The following FOXP2 variants were observed in gnomAD, a reference collection of about 807,000 sequenced individuals.
FOXP2 encodes forkhead box P2, also known as forkhead box protein P2.
Under a neutral mutation model 115.8 loss-of-function variants are expected in FOXP2, and 12 were observed. That is an observed-to-expected ratio of 0.10 (90% CI 0.07 to 0.17). FOXP2 has a LOEUF of 0.17. Ranked by LOEUF, FOXP2 falls within the 10% of genes least tolerant of loss-of-function variation. The pLI is 1.00. For synonymous variants in FOXP2, 328 were observed against 297.7 expected, an observed-to-expected ratio of 1.10 and a Z score of -1.05; for missense variants, 629 against 843.5, an observed-to-expected ratio of 0.75 and a Z score of 3.15.
At chr7:114,577,129 A>T (rs1165760326) in intron 3 of FOXP2, among the ~76,000 whole-genome samples, 1 of 151,986 alleles carries the variant, frequency 6.6e-6, no homozygotes, top group Non-Finnish European at 1.5e-5. Context: ...TATGGAACCA[A>T]ATGTTTATAA....
intron 1 of FOXP2, among the ~76,000 whole-genome samples, chr7:114,228,341 G>A (rs902506363): frequency 6.6e-6 from 1 of 151,948 alleles, no homozygotes; most frequent in African/African-American, 2.4e-5. Flanking sequence ...ATTGAGACTG[G>A]TGCCCTCAAT....
chr7:114,536,397 C>CTTTTTTTTTTTTTTTTTTTTTTTTTTT (rs3997242), intron 3 of FOXP2, among the ~76,000 whole-genome samples: 1 of 112,374 alleles, frequency 8.9e-6, no homozygotes, highest in Non-Finnish European at 1.8e-5. Context: ...TTTTTCTTTT[C>CTTTTTTTTTTTTTTTTTTTTTTTTTTT]TTTTTTTTTT....
At chr7:114,223,826 A>AT (rs1171732498) in intron 1 of FOXP2, among the ~76,000 whole-genome samples, 1 of 151,588 alleles carries the variant, frequency 6.6e-6, no homozygotes, top group African/African-American at 2.4e-5. Context: ...TTTAATTTTA[A>AT]TTTAGTTTAT....
intron 1 of FOXP2, among the ~76,000 whole-genome samples, chr7:114,194,515 C>G (rs1793850073): frequency 6.6e-6 from 1 of 151,670 alleles, no homozygotes; most frequent in African/African-American, 2.4e-5. Flanking sequence ...CCATGCTTAC[C>G]CAAACTGAAT....
intron 3 of FOXP2, among the ~76,000 whole-genome samples, chr7:114,608,314 A>C (rs998602283): frequency 1.1e-4 from 16 of 152,320 alleles, no homozygotes; most frequent in Admixed American, 8.5e-4. Flanking sequence ...TTTTCAGAAG[A>C]ATCTGCTTCC....
chr7:114,540,964 A>T (rs1799633788), intron 3 of FOXP2, among the ~76,000 whole-genome samples: 1 of 152,120 alleles, frequency 6.6e-6, no homozygotes, highest in South Asian at 2.1e-4. Flanking sequence ...AGGGGCTATT[A>T]AAGTTTTTTG....
At chr7:114,311,236 ATGAC>A (rs1797140921) in intron 2 of FOXP2, among the ~76,000 whole-genome samples, 1 of 152,120 alleles carries the variant, frequency 6.6e-6, no homozygotes, top group Non-Finnish European at 1.5e-5. Context: ...TTCCCTGCTC[ATGAC>A]TGACTGACCT....
chr7:114,643,675 T>A (rs1397023042), intron 7 of FOXP2, among the ~76,000 whole-genome samples: 2 of 152,218 alleles, frequency 1.3e-5, no homozygotes, highest in Non-Finnish European at 2.9e-5. Flanking sequence ...TCTTGCTCTC[T>A]AATCAAGTCC....
At chr7:114,254,527 C>T (rs1795550237) in intron 1 of FOXP2, among the ~76,000 whole-genome samples, 1 of 152,138 alleles carries the variant, frequency 6.6e-6, no homozygotes, top group Non-Finnish European at 1.5e-5. Context: ...TCTCTTCTCG[C>T]TTCATTTCAT....
At chr7:114,290,943 C>G (rs960573474) in intron 2 of FOXP2, among the ~76,000 whole-genome samples, 12 of 151,984 alleles carry the variant, frequency 7.9e-5, no homozygotes, top group African/African-American at 2.9e-4. Flanking sequence ...TTTTATTTTC[C>G]ATTATATTCA....
At chr7:114,449,869 T>A (rs1473331484) in intron 2 of FOXP2, among the ~76,000 whole-genome samples, 1 of 152,130 alleles carries the variant, frequency 6.6e-6, no homozygotes, top group East Asian at 1.9e-4. Flanking sequence ...AAAATTTACT[T>A]TACAAATGAA....
intron 2 of FOXP2, among the ~76,000 whole-genome samples, chr7:114,397,109 A>C (rs1792763642): frequency 6.6e-6 from 1 of 152,150 alleles, no homozygotes; most frequent in Non-Finnish European, 1.5e-5. Context: ...AAAATAAATG[A>C]ATAGAAGCAA....
chr7:114,115,005 A>ATT (rs545736043), intron 1 of FOXP2, among the ~76,000 whole-genome samples: 1 of 149,048 alleles, frequency 6.7e-6, no homozygotes, highest in Non-Finnish European at 1.5e-5. Flanking sequence ...TGTGTGTTGC[A>ATT]TTTTTTTTTT....
At chr7:114,295,266 G>A (rs568800510) in intron 2 of FOXP2, among the ~76,000 whole-genome samples, 2 of 152,046 alleles carry the variant, frequency 1.3e-5, no homozygotes, top group Non-Finnish European at 2.9e-5. Context: ...GTATGAACCA[G>A]CATCACTTAT....
At chr7:114,120,219 C>G (rs1413196956) in intron 1 of FOXP2, among the ~76,000 whole-genome samples, 2 of 152,072 alleles carry the variant, frequency 1.3e-5, no homozygotes, top group Non-Finnish European at 2.9e-5. Context: ...GTGGCTAGAT[C>G]AGTCACATGC....
At chr7:114,412,877 G>T (rs1315428992), upstream of FOXP2, among the ~76,000 whole-genome samples, 1 of 152,102 alleles carries the variant, frequency 6.6e-6, no homozygotes, top group South Asian at 2.1e-4. Context: ...GTTTGTCCTT[G>T]TTGACCTCAG....
At chr7:114,575,287 C>T (rs1277904993) in intron 3 of FOXP2, among the ~76,000 whole-genome samples, 1 of 151,804 alleles carries the variant, frequency 6.6e-6, no homozygotes, top group Non-Finnish European at 1.5e-5. Context: ...ACCATAATGA[C>T]TAACACATAG....
chr7:114,229,395 C>T (rs959349634), intron 1 of FOXP2, among the ~76,000 whole-genome samples: 4 of 151,502 alleles, frequency 2.6e-5, no homozygotes, highest in Admixed American at 1.3e-4. Context: ...GGACTTGAAC[C>T]GCACTGTATG....
intron 1 of FOXP2, among the ~76,000 whole-genome samples, chr7:114,138,274 C>A (rs1792096468): frequency 6.6e-6 from 1 of 152,108 alleles, no homozygotes; most frequent in African/African-American, 2.4e-5. Context: ...AACTTTATAA[C>A]AGAGAAACCT....
Sources: allele counts gnomAD v4.1 joint callset (sites outside exome capture counted in the v4.1 genomes callset), GRCh38; gene constraint gnomAD v4.1.1; transcripts MANE v1.5; gene names NCBI Gene and HGNC (gene_info 2026-07-23, HGNC 2026-07-21).